Variants in SPON1 observed in about 807,000 individuals in gnomAD.
SPON1 encodes spondin 1.
In SPON1, 52 loss-of-function variants were observed where a neutral mutation model predicts 111.7. The observed-to-expected ratio is 0.47, with a 90% confidence interval of 0.37 to 0.59. The LOEUF is 0.59. Ranked by LOEUF, SPON1 falls within the 20% of genes least tolerant of loss-of-function variation. SPON1 has a pLI of 0.00. For missense variants in SPON1, 957 were observed against 1,068.5 expected (o/e 0.90, Z 1.46); for synonymous variants, 410 against 395.8 (o/e 1.04, Z -0.43).
At chr11:14,153,310 G>A (rs541313251) in intron 6 of SPON1, among the ~76,000 whole-genome samples, 3 of 152,258 alleles carry the variant, frequency 2.0e-5, no homozygotes, top group African/African-American at 4.8e-5. Flanking sequence ...AACTTATAAA[G>A]AAAATAGGTT....
intron 6 of SPON1, among the ~76,000 whole-genome samples, chr11:14,155,550 G>T (rs1554930313): frequency 6.6e-6 from 1 of 150,924 alleles, no homozygotes; most frequent in African/African-American, 2.4e-5. Context: ...TGCACAATGT[G>T]CAGTTTAGTT....
chr11:14,260,006 G>A (rs1169971326), intron 13 of SPON1, among the ~76,000 whole-genome samples: 7 of 152,162 alleles, frequency 4.6e-5, no homozygotes, highest in Non-Finnish European at 1.0e-4. Context: ...CAGTGGTGGG[G>A]AGGAGGGCCA....
At chr11:14,191,224 G>A (rs115415734) in intron 6 of SPON1, among the ~76,000 whole-genome samples, 2,746 of 152,258 alleles carry the variant, frequency 0.018, 91 homozygotes, top group African/African-American at 0.063. Context: ...GGAATCCAAT[G>A]CCTGCCCCAA....
At chr11:14,117,694 C>T (rs1849276868) in intron 5 of SPON1, among the ~76,000 whole-genome samples, 1 of 152,062 alleles carries the variant, frequency 6.6e-6, no homozygotes, top group South Asian at 2.1e-4. Flanking sequence ...CTCTTTTGTC[C>T]TATATATAGA....
chr11:14,090,336 T>A (rs75761546), intron 5 of SPON1, among the ~76,000 whole-genome samples: 28 of 152,028 alleles, frequency 1.8e-4, no homozygotes, highest in African/African-American at 6.8e-4. Flanking sequence ...GCAAAAACTA[T>A]GGGAAAAGCG....
chr11:14,232,975 A>G (rs1848819506), intron 6 of SPON1, among the ~76,000 whole-genome samples: 1 of 152,052 alleles, frequency 6.6e-6, no homozygotes, highest in African/African-American at 2.4e-5. Context: ...GGCCCTGGGC[A>G]GGTCCTGGTG....
intron 3 of SPON1, among the ~76,000 whole-genome samples, chr11:14,047,078 T>TCTA (rs1848673830): frequency 6.6e-6 from 1 of 152,178 alleles, no homozygotes; most frequent in Non-Finnish European, 1.5e-5. Context: ...TCTTGGTAGT[T>TCTA]CTACTGGCTT....
chr11:14,034,244 C>T (rs1848578700), intron 2 of SPON1, among the ~76,000 whole-genome samples: 1 of 152,036 alleles, frequency 6.6e-6, no homozygotes, highest in Admixed American at 6.5e-5. Flanking sequence ...TAAAAATCAC[C>T]CATAATACTA....
chr11:14,197,801 C>T (rs181841769), intron 6 of SPON1, among the ~76,000 whole-genome samples: 7 of 152,114 alleles, frequency 4.6e-5, no homozygotes, highest in Non-Finnish European at 1.0e-4. Flanking sequence ...GGTGACAGAG[C>T]GAGACTTCCA....
At chr11:14,141,430 T>C (rs1847655053) in intron 6 of SPON1, among the ~76,000 whole-genome samples, 1 of 152,170 alleles carries the variant, frequency 6.6e-6, no homozygotes, top group Non-Finnish European at 1.5e-5. Context: ...AGTCACCCAT[T>C]TATTAAAAAT....
chr11:14,175,148 T>C (rs988836957), intron 6 of SPON1, among the ~76,000 whole-genome samples: 2 of 152,214 alleles, frequency 1.3e-5, no homozygotes, highest in South Asian at 4.1e-4. Flanking sequence ...TGTCAGAAGA[T>C]AAAGCCTTAG....
chr11:14,163,515 T>C (rs186892222), intron 6 of SPON1, among the ~76,000 whole-genome samples: 6 of 152,246 alleles, frequency 3.9e-5, no homozygotes, highest in African/African-American at 1.4e-4. Context: ...TTTCAGGAAG[T>C]GATTACTTCT....
At chr11:14,238,576 C>G (rs186000957) in intron 6 of SPON1, among the ~76,000 whole-genome samples, 131 of 152,278 alleles carry the variant, frequency 8.6e-4, no homozygotes, top group African/African-American at 3.0e-3. Context: ...TCTGCTCAGA[C>G]CACCCTGTTT....
intron 6 of SPON1, among the ~76,000 whole-genome samples, chr11:14,166,799 C>A (rs1180073720): frequency 6.6e-6 from 1 of 152,072 alleles, no homozygotes; most frequent in African/African-American, 2.4e-5. Flanking sequence ...CCAAAGTAAA[C>A]CAAACAGCAT....
intron 7 of SPON1, among the ~76,000 whole-genome samples, chr11:14,246,996 A>T (rs1009455871): frequency 6.6e-6 from 1 of 152,218 alleles, no homozygotes; most frequent in Admixed American, 6.5e-5. Flanking sequence ...GAGGGAGTAG[A>T]GTATGTCTAA....
chr11:14,243,821 C>A (rs1200928959), intron 7 of SPON1, among the ~76,000 whole-genome samples: 2 of 152,138 alleles, frequency 1.3e-5, no homozygotes, highest in South Asian at 2.1e-4. Context: ...CTCCTCTATC[C>A]CAGAGAGATT....
chr11:14,240,589 T>TTGTGTGTC (rs1848914467), intron 6 of SPON1, among the ~76,000 whole-genome samples: 1 of 140,252 alleles, frequency 7.1e-6, no homozygotes, highest in African/African-American at 2.7e-5. Context: ...AGAAGCAATA[T>TTGTGTGTC]TGTGTGTGTG....
chr11:14,143,153 TG>T (rs1423357118), intron 6 of SPON1, among the ~76,000 whole-genome samples: 6 of 152,288 alleles, frequency 3.9e-5, no homozygotes, highest in East Asian at 3.9e-4. Context: ...TGGGCAATGG[TG>T]CCCCCTGCAT....
chr11:14,140,158 G>A (rs957209771), intron 6 of SPON1, among the ~76,000 whole-genome samples: 5 of 152,042 alleles, frequency 3.3e-5, no homozygotes, highest in Admixed American at 3.3e-4. Flanking sequence ...GGCCTTGTTG[G>A]GTTTCCTCTC....
Sources: gnomAD v4.1 joint callset for allele counts (sites outside exome capture counted in the v4.1 genomes callset) on GRCh38, gnomAD v4.1.1 for gene constraint, MANE v1.5 for transcripts, NCBI Gene and HGNC (gene_info 2026-07-23, HGNC 2026-07-21) for gene names.